Variants in TMEM182 observed in about 807,000 individuals in gnomAD.
TMEM182 encodes transmembrane protein 182.
TMEM182 carries 20 observed loss-of-function variants against 26.8 expected under a neutral mutation model. The observed-to-expected ratio is 0.75, with a 90% confidence interval of 0.53 to 1.09. The LOEUF (loss-of-function observed/expected upper bound fraction) is 1.09. Ranked by LOEUF, TMEM182 falls within the 50% of genes least tolerant of loss-of-function variation. The pLI is 0.00. For synonymous variants in TMEM182, 109 were observed against 102.2 expected, an observed-to-expected ratio of 1.07 and a Z score of -0.40; for missense variants, 277 against 275.5, an observed-to-expected ratio of 1.01 and a Z score of -0.04.
rs1682792723 is a variant in TMEM182 at position 102,817,398 on chromosome 2, G to C, written c.*2430G>C. ...GTGAATAAAAAGGGCAGTGAGTTAT[G>C]CTCTTGGACTTGGTGAAAGCTATCA... On this transcript the variant is annotated 3_prime_UTR_variant, in exon 5 of 5. Coordinates refer to ENST00000412401, the MANE Select transcript of TMEM182 (RefSeq NM_144632.5). 10 of 985,356 alleles carry C rather than the reference G, an allele frequency of 1.0e-5. No individual in the cohort carries two copies. The highest frequency in any genetic ancestry group is 1.2e-5 in the Non-Finnish European group (10 of 829,918). 61.0% of individuals were successfully genotyped at this position (985,356 alleles called of 1,614,324 possible).
At chr2:102,824,495 C>G (rs1262605552) in intron 3 of TMEM182, among the ~76,000 whole-genome samples, 1 of 152,080 alleles carries the variant, frequency 6.6e-6, no homozygotes, top group Non-Finnish European at 1.5e-5. Context: ...GAAGCACCTT[C>G]CCCTTCTCTC....
At chr2:102,790,909 G>T (rs1681608305) in intron 3 of TMEM182, among the ~76,000 whole-genome samples, 1 of 152,094 alleles carries the variant, frequency 6.6e-6, no homozygotes, top group Non-Finnish European at 1.5e-5. Context: ...ATGATTCAAT[G>T]ACTGTTTTAT....
chr2:102,833,366 A>G (rs1683184661), intron 3 of TMEM182, among the ~76,000 whole-genome samples: 1 of 152,186 alleles, frequency 6.6e-6, no homozygotes, highest in African/African-American at 2.4e-5. Flanking sequence ...TTGCAGTTCT[A>G]ATTTCTCCCT....
chr2:102,824,431 C>T (rs1682991618), intron 3 of TMEM182, among the ~76,000 whole-genome samples: 1 of 152,126 alleles, frequency 6.6e-6, no homozygotes, highest in Non-Finnish European at 1.5e-5. Context: ...TGGACTTCCT[C>T]TTTGCTGTTC....
At chr2:102,764,714 G>A (rs568886827) in intron 3 of TMEM182, among the ~76,000 whole-genome samples, 18 of 151,900 alleles carry the variant, frequency 1.2e-4, no homozygotes, top group South Asian at 4.2e-4. Flanking sequence ...AAGAAGAACC[G>A]CTTCTTAAGG....
chr2:102,804,831 T>C (rs1025782464), intron 4 of TMEM182, among the ~76,000 whole-genome samples: 1 of 152,242 alleles, frequency 6.6e-6, no homozygotes, highest in Non-Finnish European at 1.5e-5. Flanking sequence ...TCAGTTTTGA[T>C]GATCAAAAGA....
chr2:102,747,469 A>T (rs1258802205), intron 1 of TMEM182, among the ~76,000 whole-genome samples: 1 of 152,214 alleles, frequency 6.6e-6, no homozygotes. Context: ...TGCATATTAA[A>T]CTCATGTCTA....
chr2:102,753,573 G>A (rs1679942826), intron 1 of TMEM182, among the ~76,000 whole-genome samples: 2 of 151,998 alleles, frequency 1.3e-5, no homozygotes, highest in African/African-American at 4.8e-5. Context: ...GTCTTGCTAT[G>A]TTGCCCAGGC....
chr2:102,830,902 T>C (rs192591034), intron 3 of TMEM182, among the ~76,000 whole-genome samples: 1 of 152,288 alleles, frequency 6.6e-6, no homozygotes, highest in Non-Finnish European at 1.5e-5. Flanking sequence ...ACTCTCTATG[T>C]CCATGAGTTC....
At chr2:102,794,366 A>G (rs1681778349) in intron 3 of TMEM182, among the ~76,000 whole-genome samples, 1 of 152,332 alleles carries the variant, frequency 6.6e-6, no homozygotes, top group African/African-American at 2.4e-5. Context: ...AATAGATTCT[A>G]CTTTATTTAC....
chr2:102,804,154 T>G (rs1682260477), intron 4 of TMEM182, among the ~76,000 whole-genome samples: 1 of 152,194 alleles, frequency 6.6e-6, no homozygotes, highest in African/African-American at 2.4e-5. Flanking sequence ...TTTTATTATT[T>G]TATTTTTTAA....
At chr2:102,776,224 G>T (rs779083350) in intron 3 of TMEM182, among the ~76,000 whole-genome samples, 119 of 152,082 alleles carry the variant, frequency 7.8e-4, no homozygotes, top group Non-Finnish European at 1.2e-3. Context: ...TTTGTGTTAG[G>T]CACTGAATGA....
chr2:102,808,625 C>G (rs1682434700), intron 4 of TMEM182, among the ~76,000 whole-genome samples: 1 of 152,124 alleles, frequency 6.6e-6, no homozygotes, highest in African/African-American at 2.4e-5. Flanking sequence ...TGAGTTAGAA[C>G]ATCACAAAAC....
intron 3 of TMEM182, chr2:102,775,403 C>T (rs1275384119): frequency 6.6e-6 from 1 of 152,050 alleles, no homozygotes; most frequent in African/African-American, 2.4e-5. Context: ...ATAATAAGAG[C>T]TATCTATGAC....
chr2:102,799,492 A>G (rs113442651), intron 4 of TMEM182, among the ~76,000 whole-genome samples: 2 of 152,378 alleles, frequency 1.3e-5, no homozygotes, highest in African/African-American at 4.8e-5. Flanking sequence ...GGGAGCTTTC[A>G]GATTGAAGAC....
At chr2:102,826,579 C>CTAT (rs1289225218) in intron 3 of TMEM182, among the ~76,000 whole-genome samples, 1 of 152,070 alleles carries the variant, frequency 6.6e-6, no homozygotes, top group African/African-American at 2.4e-5. Flanking sequence ...TCAACTATTA[C>CTAT]TATTATTATT....
intron 1 of TMEM182, among the ~76,000 whole-genome samples, chr2:102,745,960 C>T (rs1679683543): frequency 6.6e-6 from 1 of 152,062 alleles, no homozygotes; most frequent in Non-Finnish European, 1.5e-5. Flanking sequence ...ATTTCTCTTG[C>T]CATAGAATTA....
chr2:102,750,556 CA>C (rs1464595836), intron 1 of TMEM182, among the ~76,000 whole-genome samples: 3 of 152,172 alleles, frequency 2.0e-5, no homozygotes, highest in African/African-American at 7.2e-5. Flanking sequence ...GTCAGACAGT[CA>C]AAACCTTATG....
At chr2:102,803,979 C>T (rs1340075580) in intron 4 of TMEM182, among the ~76,000 whole-genome samples, 1 of 152,214 alleles carries the variant, frequency 6.6e-6, no homozygotes, top group African/African-American at 2.4e-5. Flanking sequence ...CATCTGCATG[C>T]ACACGCAGCC....
Sources: allele counts gnomAD v4.1 joint callset (sites outside exome capture counted in the v4.1 genomes callset), GRCh38; gene constraint gnomAD v4.1.1; transcripts MANE v1.5; gene names NCBI Gene and HGNC (gene_info 2026-07-23, HGNC 2026-07-21).